Variants in SPATA13 observed in about 807,000 individuals in gnomAD.
SPATA13 encodes the protein spermatogenesis associated 13.
Under a neutral mutation model 104.0 loss-of-function variants are expected in SPATA13, and 50 were observed. The ratio of observed to expected loss-of-function variants is 0.48; its 90% CI spans 0.38 to 0.61. SPATA13 has a LOEUF of 0.61. SPATA13 is among the 20% of genes least tolerant of loss of function. The pLI is 0.00. For missense variants in SPATA13, 1,524 were observed against 1,690.6 expected, an observed-to-expected ratio of 0.90 and a Z score of 1.73; for synonymous variants, 606 against 667.5, an observed-to-expected ratio of 0.91 and a Z score of 1.42.
chr13:24,063,665 C>A (rs554679820), intron 3 of SPATA13, among the ~76,000 whole-genome samples: 1 of 152,228 alleles, frequency 6.6e-6, no homozygotes, highest in Non-Finnish European at 1.5e-5. Context: ...GCTCCTTCTC[C>A]CACATCCTCT....
intron 1 of SPATA13, among the ~76,000 whole-genome samples, chr13:24,210,177 A>T (rs7338824): frequency 0.23 from 34,975 of 152,116 alleles, 4,394 homozygotes; most frequent in South Asian, 0.3. Flanking sequence ...TATTATGGGT[A>T]TTAGTCCTTT....
At chr13:24,280,889 C>T (rs1875457782) in intron 4 of SPATA13, among the ~76,000 whole-genome samples, 1 of 152,146 alleles carries the variant, frequency 6.6e-6, no homozygotes. Flanking sequence ...CGCACCCTGG[C>T]CTAGCATAGG....
chr13:24,049,922 G>C (rs1267219902), intron 3 of SPATA13, among the ~76,000 whole-genome samples: 1 of 152,060 alleles, frequency 6.6e-6, no homozygotes, highest in Non-Finnish European at 1.5e-5. Flanking sequence ...GCCCAGGCTG[G>C]AGTGCAGTAG....
rs558452145 is a variant in SPATA13, at chr13:23,989,275, A to G, written c.-147+5342A>G. 1.8e-4 allele frequency among the ~76,000 whole-genome samples: 28 copies of G among 152,240 alleles called. No homozygotes were observed. In the East Asian group the frequency reaches 5.4e-3, roughly 29 times the overall value. On this transcript the variant is annotated intron_variant, in intron 2 of 14. Transcript: ENST00000424834. The stretch of plus-strand genomic sequence containing the variant: ...CGTCTCTACTAAAAATACAAAAAGT[A>G]GCCAGGAGTAGTAGCATGCGCCTGT...
intron 1 of SPATA13, among the ~76,000 whole-genome samples, chr13:24,194,451 CAG>C (rs1222513101): frequency 6.6e-6 from 1 of 152,174 alleles, no homozygotes; most frequent in Non-Finnish European, 1.5e-5. Flanking sequence ...GAATCACTGA[CAG>C]AGCGAACCAT....
In SPATA13 at chr13:24,051,581, G is replaced by T. The variant is rs898367437; in HGVS notation, c.-112+33880G>T. On this transcript the variant is annotated intron_variant, in intron 3 of 14. Transcript: ENST00000424834. The surrounding 1 kb of genome is among the most constrained non-coding windows in gnomAD (Gnocchi z 4.2). ...AAGCCAGGGAGTAAATGCTTCCTCC[G>T]TCTCCCTGCTGGTCTAGTAGAGTGG... Among the ~76,000 whole-genome samples, 3 of 152,066 alleles carry T rather than the reference G, an allele frequency of 2.0e-5. No homozygotes were observed. The highest frequency in any genetic ancestry group is 7.2e-5 in the African/African-American group (3 of 41,414).
chr13:24,229,847 A>G (rs1179974280), intron 2 of SPATA13, among the ~76,000 whole-genome samples: 1 of 152,258 alleles, frequency 6.6e-6, no homozygotes, highest in Non-Finnish European at 1.5e-5. Flanking sequence ...GGTGATGCCA[A>G]TGAAGTTGTA....
chr13:24,180,038 T>C (rs1383847335), intron 1 of SPATA13, among the ~76,000 whole-genome samples: 1 of 152,218 alleles, frequency 6.6e-6, no homozygotes, highest in East Asian at 1.9e-4. Flanking sequence ...ATTTGTTTTT[T>C]GGTTGGCTGT....
At chr13:24,138,541 T>C (rs561363345) in intron 3 of SPATA13, among the ~76,000 whole-genome samples, 1 of 152,288 alleles carries the variant, frequency 6.6e-6, no homozygotes, top group South Asian at 2.1e-4. Flanking sequence ...TTTCTTATGT[T>C]AATTTAATAG....
intron 3 of SPATA13, among the ~76,000 whole-genome samples, chr13:24,030,824 G>A (rs4770557): frequency 0.36 from 55,195 of 152,104 alleles, 10,275 homozygotes; most frequent in East Asian, 0.61. Context: ...ATTGCCAGCA[G>A]TGGAAAAGAC....
chr13:24,227,701 G>C (rs1872024306), intron 2 of SPATA13, among the ~76,000 whole-genome samples: 1 of 152,028 alleles, frequency 6.6e-6, no homozygotes, highest in African/African-American at 2.4e-5. Context: ...CTCCCAAGTA[G>C]CTGAGATTAC....
intron 3 of SPATA13, among the ~76,000 whole-genome samples, chr13:24,049,921 G>A (rs913782317): frequency 5.3e-5 from 8 of 152,114 alleles, no homozygotes; most frequent in African/African-American, 1.9e-4. Context: ...CGCCCAGGCT[G>A]GAGTGCAGTA....
At chr13:24,132,993 C>A (rs1353177701) in intron 3 of SPATA13, among the ~76,000 whole-genome samples, 3 of 151,998 alleles carry the variant, frequency 2.0e-5, no homozygotes, top group Non-Finnish European at 4.4e-5. Context: ...AACAAACAAA[C>A]AAAAACAAGT....
chr13:24,105,996 G>A (rs1003148249), intron 3 of SPATA13, among the ~76,000 whole-genome samples: 2 of 152,184 alleles, frequency 1.3e-5, no homozygotes, highest in African/African-American at 2.4e-5. Flanking sequence ...ATACGTTTCT[G>A]TCGTTTAAGC....
At chr13:24,269,496 G>A (rs559786090) in intron 4 of SPATA13, among the ~76,000 whole-genome samples, 2 of 152,238 alleles carry the variant, frequency 1.3e-5, no homozygotes, top group East Asian at 3.9e-4. Flanking sequence ...GAACTCCTGG[G>A]CTCAAGTGAT....
chr13:24,292,375 A>C (rs1876451979), intron 9 of SPATA13, among the ~76,000 whole-genome samples: 1 of 152,184 alleles, frequency 6.6e-6, no homozygotes, highest in Non-Finnish European at 1.5e-5. Context: ...GGATAGTCAT[A>C]GGGCAACTGC....
intron 4 of SPATA13, among the ~76,000 whole-genome samples, chr13:24,281,177 C>A (rs548405568): frequency 5.9e-5 from 9 of 152,368 alleles, no homozygotes; most frequent in Non-Finnish European, 7.3e-5. Context: ...GAAGGCAAGA[C>A]CAAGGCTGTG....
At chr13:24,090,437 C>A (rs1437514536) in intron 3 of SPATA13, among the ~76,000 whole-genome samples, 1 of 152,220 alleles carries the variant, frequency 6.6e-6, no homozygotes, top group Non-Finnish European at 1.5e-5. Context: ...CTAAGGTTAA[C>A]TATCTTCCCC....
intron 1 of SPATA13, among the ~76,000 whole-genome samples, chr13:24,193,980 C>G (rs1253614708): frequency 3.9e-5 from 6 of 152,168 alleles, no homozygotes; most frequent in Non-Finnish European, 7.3e-5. Context: ...AAGGCAGAAA[C>G]TGGAAAAGAG....
Sources: gnomAD v4.1 joint callset for allele counts (sites outside exome capture counted in the v4.1 genomes callset) on GRCh38, gnomAD v4.1.1 for gene constraint, Gnocchi (gnomAD v3.1) non-coding constraint, MANE v1.5 for transcripts, NCBI Gene and HGNC (gene_info 2026-07-23, HGNC 2026-07-21) for gene names.